The following GCNT4 variants were observed in gnomAD, a reference collection of about 807,000 sequenced individuals.
GCNT4 encodes glucosaminyl (N-acetyl) transferase 4.
A neutral mutation model predicts 31.3 loss-of-function variants in GCNT4; 17 were observed. That is an observed-to-expected ratio of 0.54 (90% CI 0.37 to 0.81). The LOEUF (loss-of-function observed/expected upper bound fraction) is 0.81. Ranked by LOEUF, GCNT4 falls within the 40% of genes least tolerant of loss-of-function variation. The pLI, the probability that GCNT4 is intolerant of heterozygous loss-of-function variation, is 0.00. For synonymous variants in GCNT4, 158 were observed against 190.6 expected (o/e 0.83, Z 1.41); for missense variants, 503 against 525.5 (o/e 0.96, Z 0.42).
chr5:75,024,562 G>C (rs978331765), downstream of GCNT4, among the ~76,000 whole-genome samples: 1 of 152,142 alleles, frequency 6.6e-6, no homozygotes, highest in African/African-American at 2.4e-5. Context: ...CAGCTCAGTA[G>C]AGCTGGGAGA....
Position 75,028,864 on chromosome 5 carries a change from TAC to T in GCNT4, c.1172_1173del (p.Cys391TyrfsTer19). 1 of 1,614,048 alleles carries T rather than the reference TAC, an allele frequency of 6.2e-7. No homozygotes were observed. The highest frequency in any genetic ancestry group is 8.5e-7 in the Non-Finnish European group (1 of 1,179,996). On this transcript the variant is annotated frameshift_variant, in exon 4 of 4. Coordinates refer to ENST00000652361, the MANE Select transcript of GCNT4 (RefSeq NM_001366737.1). LOFTEE classifies it high-confidence loss of function. ...CACCTTAATTCTGCAGCTCCATAAA[TAC>T]ACACGCTTCGAAGGTGAGATCCAGT... is the stretch of plus-strand genomic sequence containing the variant. Reference protein sequence around the residue: ...SCTGSHLRSVCIYGAAELRWL... With the variant: ...SCTGSHLRSVXIYGAAELRWL...
rs1743586718 is a variant in GCNT4, at chr5:75,052,207, T to C, written c.-181A>G. On this transcript the variant is annotated 5_prime_UTR_variant, in exon 2 of 4. Transcript: ENST00000652361. ...ACGCATTATATTAGCCCCAACTCTG[T>C]TAATCTTCTGGTTTGTTGTTCTTCC... 6.7e-6 allele frequency: 1 copy of C among 150,292 alleles called. No homozygotes were observed. The highest frequency in any genetic ancestry group is 1.5e-5 in the Non-Finnish European group (1 of 67,758). 9.3% of individuals were successfully genotyped at this position (150,292 alleles called of 1,614,324 possible).
chr5:75,026,121 C>A lies in GCNT4; in HGVS notation c.*2555G>T, dbSNP rs1183009415. ...TGTGTGAATGTCTCGAAGGCACTTT[C>A]TCCGCTTCATCCTTCCATGTTCCCT... On this transcript the variant is annotated 3_prime_UTR_variant, in exon 4 of 4. Coordinates refer to ENST00000652361, the MANE Select transcript of GCNT4 (RefSeq NM_001366737.1). The A allele has an allele frequency of 6.6e-6, 1 of 152,208 alleles. No individual in the cohort carries two copies. The highest frequency in any genetic ancestry group is 1.5e-5 in the Non-Finnish European group (1 of 68,040). The allele number at this position is 152,208 out of a possible 1,614,324, so 9.4% of individuals were successfully genotyped here. A position where few individuals can be genotyped will look rare whatever the true frequency, so the allele number is the denominator to read the frequency against.
At chr5:75,018,438 C>G in the GCNT4 span, among the ~76,000 whole-genome samples, 3 of 151,984 alleles carry the variant, frequency 2.0e-5, no homozygotes, top group South Asian at 2.1e-4. Flanking sequence ...TGTGCCACCA[C>G]GCCCAGCTAA....
chr5:75,033,047 CTAAT>C (rs1469973348), intron 3 of GCNT4, among the ~76,000 whole-genome samples: 9 of 152,162 alleles, frequency 5.9e-5, no homozygotes, highest in African/African-American at 1.9e-4. Flanking sequence ...CATGGAGTCT[CTAAT>C]TAATGTTAGC....
chr5:75,038,815 A>C (rs1468784171), intron 3 of GCNT4, among the ~76,000 whole-genome samples: 1 of 152,214 alleles, frequency 6.6e-6, no homozygotes, highest in Non-Finnish European at 1.5e-5. Flanking sequence ...TTTGGGGAAC[A>C]CATTCAGACC....
chr5:75,023,500 C>A (rs76861584), downstream of GCNT4, among the ~76,000 whole-genome samples: 12,365 of 151,890 alleles, frequency 0.081, 562 homozygotes, highest in Middle Eastern at 0.11. Context: ...CAACACTGTT[C>A]ATAGCACTGT....
At chr5:75,041,346 G>A (rs913412031) in intron 3 of GCNT4, among the ~76,000 whole-genome samples, 13 of 152,192 alleles carry the variant, frequency 8.5e-5, no homozygotes, top group African/African-American at 3.1e-4. Flanking sequence ...TCAACTAAAG[G>A]AGCTCTGTTT....
At chr5:75,051,575 C>T (rs1743569846) in intron 2 of GCNT4, among the ~76,000 whole-genome samples, 2 of 152,182 alleles carry the variant, frequency 1.3e-5, no homozygotes, top group South Asian at 4.1e-4. Flanking sequence ...ACAGGGCCCT[C>T]TACCTGCTCT....
rs1561372074 is a variant in GCNT4, at chr5:75,027,363, T to TA, written c.*1312_*1313insT. On this transcript the variant is annotated 3_prime_UTR_variant, in exon 4 of 4. Transcript: ENST00000652361. Reference sequence around the variant, plus strand: ...ATATATGTATATATAATATATATATTTATATATTATATATGTAATGGAATT... The same window carrying TA: ...ATATATGTATATATAATATATATATTATATATATTATATATGTAATGGAATT... 8.0e-5 allele frequency: 11 copies of TA among 137,538 alleles called. No individual in the cohort carries two copies. The highest frequency in any genetic ancestry group is 4.0e-4 in the East Asian group (2 of 5,062). The allele number at this position is 137,538 out of a possible 1,614,324, so 8.5% of individuals were successfully genotyped here.
chr5:75,053,475 C>T (rs1188714563), upstream of GCNT4, among the ~76,000 whole-genome samples: 1 of 152,110 alleles, frequency 6.6e-6, no homozygotes, highest in African/African-American at 2.4e-5. Context: ...TCTCCAGCCC[C>T]GGGCGACCCT....
downstream of GCNT4, among the ~76,000 whole-genome samples, chr5:75,022,340 T>C (rs12153741): frequency 7.2e-5 from 11 of 152,198 alleles, no homozygotes; most frequent in Admixed American, 6.5e-5. Context: ...AGAAAGCATA[T>C]AAAACAGCAT....
chr5:75,020,602 C>T (rs1318959989), downstream of GCNT4, among the ~76,000 whole-genome samples: 1 of 152,068 alleles, frequency 6.6e-6, no homozygotes. Context: ...CAGCTATTCG[C>T]CCATCCACCC....
rs765974435 is a variant in GCNT4, at chr5:75,028,871, G to A, written c.1167C>T (p.Ser389=). 1.2e-5 allele frequency: 20 copies of A among 1,613,814 alleles called. No homozygotes were observed. The highest frequency in any genetic ancestry group is 6.7e-5 in the African/African-American group (5 of 74,888). Residue 389 remains serine, a synonymous_variant, in exon 4 of 4, where the codon AGC becomes AGT. Coordinates refer to ENST00000652361, the MANE Select transcript of GCNT4 (RefSeq NM_001366737.1). ...YPSCTGSHLR[S]VCIYGAAELR... The stretch of plus-strand genomic sequence containing the variant: ...ATTCTGCAGCTCCATAAATACACAC[G>A]CTTCGAAGGTGAGATCCAGTACAAC...
At chr5:75,050,216 T>A (rs923826629) in intron 2 of GCNT4, among the ~76,000 whole-genome samples, 5 of 152,250 alleles carry the variant, frequency 3.3e-5, no homozygotes, top group Admixed American at 1.3e-4. Flanking sequence ...ATTACATTTG[T>A]ATGATCTGTG....
chr5:75,041,702 C>CAAA lies in GCNT4; in HGVS notation c.-2+6192_-2+6194dup, dbSNP rs200763320. ...AGCAATGTAACAACAACAACAACAA[C>CAAA]AAAAAGAAGCGCAGAATTCAGCCCA... On this transcript the variant is annotated intron_variant, in intron 3 of 3. Coordinates refer to ENST00000652361, the MANE Select transcript of GCNT4 (RefSeq NM_001366737.1). 6.8e-3 allele frequency among the ~76,000 whole-genome samples: 1,034 copies of CAAA among 152,222 alleles called. 7 individuals carry two copies. The highest frequency in any genetic ancestry group is 0.023 in the African/African-American group (968 of 41,524).
the GCNT4 span, among the ~76,000 whole-genome samples, chr5:75,018,425 G>A: frequency 2.0e-5 from 3 of 152,090 alleles, no homozygotes; most frequent in Non-Finnish European, 4.4e-5. Context: ...GTGATTACAG[G>A]CTTGTGCCAC....
chr5:75,044,385 T>C (rs1743390699), intron 3 of GCNT4, among the ~76,000 whole-genome samples: 1 of 151,328 alleles, frequency 6.6e-6, no homozygotes, highest in African/African-American at 2.4e-5. Context: ...TCATACAGGT[T>C]TAGAATTTAA....
rs1742934689 is a variant in GCNT4 at position 75,025,678 on chromosome 5, G to T, written c.*2998C>A. 1 of 151,976 alleles carries T rather than the reference G, an allele frequency of 6.6e-6. No individual in the cohort carries two copies. Among genetic ancestry groups the T allele is most frequent in the Non-Finnish European group, 1.5e-5 (1 of 68,006 alleles). 9.4% of individuals were successfully genotyped at this position (151,976 alleles called of 1,614,324 possible). A position where few individuals can be genotyped will look rare whatever the true frequency, so the allele number is the denominator to read the frequency against. On this transcript the variant is annotated 3_prime_UTR_variant, in exon 4 of 4. Coordinates refer to ENST00000652361, the MANE Select transcript of GCNT4 (RefSeq NM_001366737.1). ...TGCAAGTATATCTTCACATTCTGAT[G>T]GGCAAGATAAATCTTCAAATTAAAA...
Sources: allele counts gnomAD v4.1 joint callset (sites outside exome capture counted in the v4.1 genomes callset), GRCh38; gene constraint gnomAD v4.1.1; transcripts MANE v1.5; gene names NCBI Gene and HGNC (gene_info 2026-07-23, HGNC 2026-07-21).